The following THSD4 variants were observed in gnomAD, a reference collection of about 807,000 sequenced individuals.
THSD4 encodes the protein thrombospondin type 1 domain containing 4.
A neutral mutation model predicts 119.0 loss-of-function variants in THSD4; 69 were observed. The ratio of observed to expected loss-of-function variants is 0.58; its 90% CI spans 0.48 to 0.71. THSD4 has a LOEUF of 0.71. Ranked by LOEUF, THSD4 falls within the 30% of genes least tolerant of loss-of-function variation. The pLI is 0.00. For synonymous variants in THSD4, 524 were observed against 540.4 expected, an observed-to-expected ratio of 0.97 and a Z score of 0.42; for missense variants, 1,393 against 1,391.1, an observed-to-expected ratio of 1.00 and a Z score of -0.02.
At chr15:71,771,871 C>T (rs572032049) in intron 17 of THSD4, among the ~76,000 whole-genome samples, 10 of 152,228 alleles carry the variant, frequency 6.6e-5, no homozygotes, top group Non-Finnish European at 1.2e-4. Context: ...TCATGGGCTG[C>T]GGTTCATGAG....
intron 1 of THSD4, among the ~76,000 whole-genome samples, chr15:71,124,691 A>T (rs1301666097): frequency 6.6e-6 from 1 of 152,172 alleles, no homozygotes; most frequent in Non-Finnish European, 1.5e-5. Flanking sequence ...TTATTTCAAA[A>T]TTTTGGTACC....
chr15:71,411,464 C>T (rs118081504), intron 6 of THSD4, among the ~76,000 whole-genome samples: 60 of 152,190 alleles, frequency 3.9e-4, no homozygotes, highest in Non-Finnish European at 8.1e-4. Context: ...TCTTTTTGAG[C>T]TGATGGAAAT....
intron 7 of THSD4, among the ~76,000 whole-genome samples, chr15:71,532,981 A>G (rs549534152): frequency 9.6e-4 from 146 of 152,320 alleles, no homozygotes; most frequent in Non-Finnish European, 1.7e-3. Flanking sequence ...ATGGAAAGAA[A>G]GCCAGTCCTT....
At chr15:71,320,955 A>G (rs1596335105) in intron 6 of THSD4, among the ~76,000 whole-genome samples, 1 of 152,280 alleles carries the variant, frequency 6.6e-6, no homozygotes, top group South Asian at 2.1e-4. Context: ...TTATCCATGG[A>G]AAGTGATGTA....
At chr15:71,745,627 A>G (rs1441563967) in intron 12 of THSD4, among the ~76,000 whole-genome samples, 1 of 152,128 alleles carries the variant, frequency 6.6e-6, no homozygotes, top group Non-Finnish European at 1.5e-5. Flanking sequence ...GTCTCGGGAG[A>G]GGTCTTGAAC....
At chr15:71,295,360 G>C (rs2044848780) in intron 6 of THSD4, among the ~76,000 whole-genome samples, 2 of 152,150 alleles carry the variant, frequency 1.3e-5, no homozygotes, top group African/African-American at 4.8e-5. Flanking sequence ...GCCTACAGCT[G>C]CTTCCTGAGC....
chr15:71,476,192 C>G (rs1488710689), intron 7 of THSD4, among the ~76,000 whole-genome samples: 3 of 152,144 alleles, frequency 2.0e-5, no homozygotes, highest in Non-Finnish European at 4.4e-5. Context: ...ATTGTTTGCC[C>G]CATCTCCTAT....
At chr15:71,236,056 G>T (rs1219736040) in intron 4 of THSD4, among the ~76,000 whole-genome samples, 2 of 152,148 alleles carry the variant, frequency 1.3e-5, no homozygotes, top group Non-Finnish European at 2.9e-5. Flanking sequence ...TTCCTCGAGG[G>T]CAGTCCCCGG....
chr15:71,451,957 C>G (rs536123727), intron 7 of THSD4, among the ~76,000 whole-genome samples: 1 of 152,150 alleles, frequency 6.6e-6, no homozygotes, highest in South Asian at 2.1e-4. Context: ...CACAGGGAGG[C>G]GACTCTTGGT....
At chr15:71,402,123 G>T in intron 6 of THSD4, among the ~76,000 whole-genome samples, 1 of 151,296 alleles carries the variant, frequency 6.6e-6, no homozygotes, top group East Asian at 2.0e-4. Flanking sequence ...GATGGGGGAG[G>T]GATAGCCTTA....
intron 7 of THSD4, among the ~76,000 whole-genome samples, chr15:71,623,466 G>A (rs1192941128): frequency 6.6e-6 from 1 of 152,120 alleles, no homozygotes; most frequent in Admixed American, 6.5e-5. Flanking sequence ...CTTGACCTAC[G>A]CCATCTGATA....
intron 6 of THSD4, among the ~76,000 whole-genome samples, chr15:71,361,447 T>C (rs2045890646): frequency 6.6e-6 from 1 of 152,120 alleles, no homozygotes; most frequent in South Asian, 2.1e-4. Context: ...ATGAGGAAGG[T>C]GTAACCTAAA....
intron 6 of THSD4, among the ~76,000 whole-genome samples, chr15:71,312,352 G>T (rs548508749): frequency 3.3e-5 from 5 of 151,916 alleles, no homozygotes; most frequent in Admixed American, 6.6e-5. Context: ...AGTGGGGAGT[G>T]GGGGGAGGGT....
At chr15:71,442,601 TG>T in intron 7 of THSD4, among the ~76,000 whole-genome samples, 1 of 15,328 alleles carries the variant, frequency 6.5e-5, no homozygotes, top group Non-Finnish European at 2.4e-4. Flanking sequence ...TATATATATA[TG>T]TGTGTGTGTG....
In THSD4 at chr15:71,326,673, CAAAAAAAAAAAAAAAAA is replaced by C. The variant is rs375081607; in HGVS notation, c.1015+69970_1015+69986del. Reference sequence around the variant, plus strand: ...TGGGCAACAGAGCAAGATTCCATCTCAAAAAAAAAAAAAAAAAAAAAAAAAAAATATATATATATATA... The same window carrying C: ...TGGGCAACAGAGCAAGATTCCATCTCAAAAAAAAAAATATATATATATATA... On this transcript the variant is annotated intron_variant, in intron 6 of 17. Transcript: ENST00000261862. Among the ~76,000 whole-genome samples the C allele has an allele frequency of 3.9e-4, 5 of 12,942 alleles. 1 individual carries two copies. The highest frequency in any genetic ancestry group is 6.1e-4 in the African/African-American group (5 of 8,186). The allele number at this position is 12,942 out of a possible 152,430, so 8.5% of individuals were successfully genotyped here.
rs2053988087 is a variant in THSD4 at position 71,780,893 on chromosome 15, T to C, written c.*3519T>C. 2 of 429,660 alleles carry C rather than the reference T, an allele frequency of 4.7e-6. No homozygotes were observed. Among genetic ancestry groups the C allele is most frequent in the South Asian group, 3.2e-5 (2 of 61,566 alleles). 26.6% of individuals were successfully genotyped at this position (429,660 alleles called of 1,614,324 possible). On this transcript the variant is annotated 3_prime_UTR_variant, in exon 18 of 18. Transcript: ENST00000261862. ...ACGAGCTTGGTGTATTTTCATCAAG[T>C]TATGTGGCAGAGAAATCCAGATATT...
intron 6 of THSD4, among the ~76,000 whole-genome samples, chr15:71,282,286 A>G (rs2140315068): frequency 6.6e-6 from 1 of 152,350 alleles, no homozygotes; most frequent in East Asian, 1.9e-4. Context: ...GGCGTCCAGC[A>G]GTCACAGGAA....
intron 8 of THSD4, among the ~76,000 whole-genome samples, chr15:71,709,698 C>T (rs1303907098): frequency 2.0e-5 from 3 of 152,156 alleles, no homozygotes; most frequent in Admixed American, 6.5e-5. Context: ...AGAGTAAGAG[C>T]ACTGGGTGGA....
chr15:71,466,401 G>T (rs2047501120), intron 7 of THSD4, among the ~76,000 whole-genome samples: 1 of 151,262 alleles, frequency 6.6e-6, no homozygotes, highest in African/African-American at 2.4e-5. Flanking sequence ...GAGAAAAAGG[G>T]TCAGACATGG....
Sources: allele counts gnomAD v4.1 joint callset (sites outside exome capture counted in the v4.1 genomes callset), GRCh38; gene constraint gnomAD v4.1.1; transcripts MANE v1.5; gene names NCBI Gene and HGNC (gene_info 2026-07-23, HGNC 2026-07-21).